Variants in RAPGEF4 observed in about 807,000 individuals in gnomAD.
RAPGEF4 encodes the protein RAP guanine-nucleotide-exchange factor (GEF) 4.
RAPGEF4 carries 66 observed loss-of-function variants against 147.9 expected under a neutral mutation model. That is an observed-to-expected ratio of 0.45 (90% confidence interval 0.37 to 0.55). The LOEUF (loss-of-function observed/expected upper bound fraction) is 0.55, where lower values mean the gene tolerates loss of function less well. RAPGEF4 is among the 20% of genes least tolerant of loss of function. The probability of loss-of-function intolerance (pLI) is 0.00; values close to 1 mark genes in which losing one functional copy is unlikely to be tolerated. For synonymous variants in RAPGEF4, 419 were observed against 442.7 expected (o/e 0.95, Z 0.67); for missense variants, 1,071 against 1,257.3 (o/e 0.85, Z 2.24).
intron 6 of RAPGEF4, among the ~76,000 whole-genome samples, chr2:172,951,330 A>G (rs1477481437): frequency 6.6e-6 from 1 of 152,222 alleles, no homozygotes; most frequent in Non-Finnish European, 1.5e-5. Context: ...GGCACCTACA[A>G]TGAAGTCAGC....
intron 1 of RAPGEF4, among the ~76,000 whole-genome samples, chr2:172,784,641 G>A (rs1275392771): frequency 1.3e-5 from 2 of 152,078 alleles, no homozygotes; most frequent in Non-Finnish European, 2.9e-5. Flanking sequence ...AATTAGGAAA[G>A]AGTAAACATT....
intron 29 of RAPGEF4, among the ~76,000 whole-genome samples, chr2:173,044,777 G>T (rs572072736): frequency 6.6e-6 from 1 of 152,310 alleles, no homozygotes; most frequent in African/African-American, 2.4e-5. Flanking sequence ...TGTGGGGCAT[G>T]TTTGCCCCAC....
intron 1 of RAPGEF4, among the ~76,000 whole-genome samples, chr2:172,748,765 T>C (rs188951365): frequency 6.6e-6 from 1 of 152,308 alleles, no homozygotes; most frequent in Non-Finnish European, 1.5e-5. Flanking sequence ...CAAAGTCTCA[T>C]CTGAGACAAG....
intron 4 of RAPGEF4, among the ~76,000 whole-genome samples, chr2:172,883,970 A>G (rs982765341): frequency 2.6e-5 from 4 of 152,186 alleles, no homozygotes; most frequent in Non-Finnish European, 5.9e-5. Flanking sequence ...ACGGTCAGTG[A>G]AATAATTGGC....
intron 4 of RAPGEF4, among the ~76,000 whole-genome samples, chr2:172,889,309 A>G (rs1006873813): frequency 6.6e-6 from 1 of 152,128 alleles, no homozygotes; most frequent in Non-Finnish European, 1.5e-5. Flanking sequence ...AAAAAAGAAA[A>G]CCACTTTTAC....
At chr2:172,797,019 A>G (rs554077579) in intron 2 of RAPGEF4, among the ~76,000 whole-genome samples, 1 of 152,332 alleles carries the variant, frequency 6.6e-6, no homozygotes, top group South Asian at 2.1e-4. Flanking sequence ...AGGTTCAAAA[A>G]TTTCTGATGA....
chr2:172,801,390 G>A (rs1053219357), intron 3 of RAPGEF4, among the ~76,000 whole-genome samples: 1 of 152,200 alleles, frequency 6.6e-6, no homozygotes, highest in Non-Finnish European at 1.5e-5. Flanking sequence ...TGCCCTGCAT[G>A]TCTGCTTTCT....
chr2:172,821,288 A>G (rs1574945988), intron 4 of RAPGEF4, among the ~76,000 whole-genome samples: 1 of 152,304 alleles, frequency 6.6e-6, no homozygotes, highest in East Asian at 1.9e-4. Context: ...CCACCTGCAG[A>G]CAAGGCAGCC....
intron 1 of RAPGEF4, among the ~76,000 whole-genome samples, chr2:172,739,935 G>A (rs13000099): frequency 0.12 from 18,162 of 152,228 alleles, 1,216 homozygotes; most frequent in Non-Finnish European, 0.14. Flanking sequence ...TCACATTCCT[G>A]AATGGTTGGA....
chr2:172,899,618 G>A (rs1366533010), intron 4 of RAPGEF4, among the ~76,000 whole-genome samples: 1 of 152,168 alleles, frequency 6.6e-6, no homozygotes, highest in Non-Finnish European at 1.5e-5. Flanking sequence ...CAGGAGGCCA[G>A]CAAATTCAGA....
At chr2:172,916,602 C>G (rs1684100493) in intron 4 of RAPGEF4, among the ~76,000 whole-genome samples, 1 of 152,152 alleles carries the variant, frequency 6.6e-6, no homozygotes, top group South Asian at 2.1e-4. Flanking sequence ...GATCACTTAG[C>G]TCAGAGGCTG....
At chr2:173,051,557 G>A in intron 30 of RAPGEF4, 83 bp from the exon 31 acceptor site, 2 of 1,429,074 alleles carry the variant, frequency 1.4e-6, no homozygotes, top group Non-Finnish European at 1.9e-6. Context: ...TATGATAAAT[G>A]TAATAAATAA....
chr2:172,887,714 CA>C (rs1345464993), intron 4 of RAPGEF4, among the ~76,000 whole-genome samples: 6 of 152,136 alleles, frequency 3.9e-5, no homozygotes, highest in South Asian at 4.2e-4. Context: ...TGTATCTGGC[CA>C]CTCCTGTCTC....
At chr2:172,793,356 C>T (rs557528594) in intron 1 of RAPGEF4, among the ~76,000 whole-genome samples, 1 of 152,270 alleles carries the variant, frequency 6.6e-6, no homozygotes, top group South Asian at 2.1e-4. Context: ...TTTGAGGAGA[C>T]ACAGTTCAAC....
At chr2:172,865,130 G>C (rs1694486598) in intron 4 of RAPGEF4, among the ~76,000 whole-genome samples, 1 of 152,082 alleles carries the variant, frequency 6.6e-6, no homozygotes, top group South Asian at 2.1e-4. Context: ...TTTCCACATG[G>C]CTTCTGTGGC....
At chr2:172,757,815 G>A (rs530763604) in intron 1 of RAPGEF4, among the ~76,000 whole-genome samples, 1 of 152,284 alleles carries the variant, frequency 6.6e-6, no homozygotes, top group African/African-American at 2.4e-5. Flanking sequence ...AGGCATTACT[G>A]TAATGAGATT....
At chr2:172,880,163 G>A (rs895523662) in intron 4 of RAPGEF4, among the ~76,000 whole-genome samples, 1 of 152,154 alleles carries the variant, frequency 6.6e-6, no homozygotes, top group African/African-American at 2.4e-5. Flanking sequence ...AACATAAAAT[G>A]TTGCTCAGGT....
intron 16 of RAPGEF4, among the ~76,000 whole-genome samples, chr2:173,000,746 C>T (rs62175770): frequency 1.4e-5 from 1 of 72,794 alleles, no homozygotes; most frequent in African/African-American, 4.1e-5. Flanking sequence ...TCTTTTCTTT[C>T]TTTCTTTTTT....
chr2:172,844,083 G>A (rs1691907668), intron 4 of RAPGEF4, among the ~76,000 whole-genome samples: 1 of 152,222 alleles, frequency 6.6e-6, no homozygotes, highest in African/African-American at 2.4e-5. Context: ...TTTGGCATTT[G>A]CAATTGACAT....
Sources: allele counts gnomAD v4.1 joint callset (sites outside exome capture counted in the v4.1 genomes callset), GRCh38; gene constraint gnomAD v4.1.1; transcripts MANE v1.5; gene names NCBI Gene and HGNC (gene_info 2026-07-23, HGNC 2026-07-21).